The following ADARB2 variants were observed in gnomAD, a reference collection of about 807,000 sequenced individuals.
ADARB2 encodes inactive double-stranded RNA-specific editase B2.
In ADARB2, 25 loss-of-function variants were observed where a neutral mutation model predicts 62.2. That is an observed-to-expected ratio of 0.40 (90% CI 0.29 to 0.56). The LOEUF is 0.56. Ranked by LOEUF, ADARB2 falls within the 20% of genes least tolerant of loss-of-function variation. The probability of loss-of-function intolerance (pLI) is 0.43; values close to 1 mark genes in which losing one functional copy is unlikely to be tolerated. For synonymous variants in ADARB2, 572 were observed against 500.8 expected, an observed-to-expected ratio of 1.14 and a Z score of -1.90; for missense variants, 1,071 against 1,077.4, an observed-to-expected ratio of 0.99 and a Z score of 0.08.
chr10:1,327,552 CT>C, intron 3 of ADARB2, among the ~76,000 whole-genome samples: 1 of 88,962 alleles, frequency 1.1e-5, no homozygotes, highest in South Asian at 3.4e-4. Flanking sequence ...CCAGCGCCTC[CT>C]CACGGCCCAG....
At chr10:1,433,783 G>T (rs2131891108) in intron 1 of ADARB2, among the ~76,000 whole-genome samples, 1 of 152,298 alleles carries the variant, frequency 6.6e-6, no homozygotes, top group African/African-American at 2.4e-5. Flanking sequence ...TCAGTAGCAA[G>T]AAGTTCCATT....
At chr10:1,317,100 G>A (rs759763720) in intron 3 of ADARB2, among the ~76,000 whole-genome samples, 13 of 152,206 alleles carry the variant, frequency 8.5e-5, no homozygotes, top group African/African-American at 2.7e-4. Flanking sequence ...AGGCTGTGGC[G>A]TAGGCCCCTC....
chr10:1,691,041 CA>C (rs1333152031), intron 1 of ADARB2, among the ~76,000 whole-genome samples: 3 of 152,180 alleles, frequency 2.0e-5, no homozygotes. Context: ...GGTGTCCCCC[CA>C]AATTCCCATG....
intron 1 of ADARB2, among the ~76,000 whole-genome samples, chr10:1,448,054 C>A (rs1178262365): frequency 1.3e-5 from 2 of 152,106 alleles, no homozygotes; most frequent in Non-Finnish European, 2.9e-5. Flanking sequence ...GTGCATGTGT[C>A]TTTATGGTAT....
Position 1,213,347 on chromosome 10 carries a change from AGAG to A in ADARB2, c.1682+3601_1682+3603del, listed in dbSNP as rs554187304. 7.9e-4 allele frequency among the ~76,000 whole-genome samples: 121 copies of A among 152,232 alleles called. 3 individuals carry two copies. Among genetic ancestry groups the A allele is most frequent in the Admixed American group, 7.6e-3 (116 of 15,298 alleles). On this transcript the variant is annotated intron_variant, in intron 7 of 9. Coordinates refer to ENST00000381312, the MANE Select transcript of ADARB2 (RefSeq NM_018702.4). The stretch of plus-strand genomic sequence containing the variant: ...CAGAGACAGAGAGAGGCCGAGAGCG[AGAG>A]GAGGAGGGAGAAGAGATGATGGGGA...
intron 1 of ADARB2, among the ~76,000 whole-genome samples, chr10:1,392,043 G>A (rs1832575448): frequency 6.6e-6 from 1 of 152,138 alleles, no homozygotes; most frequent in Non-Finnish European, 1.5e-5. Context: ...TGGGATTACA[G>A]GTGTGAGCCC....
rs1834857389 is a variant in ADARB2 at position 1,704,071 on chromosome 10, A to T, written c.100+32980T>A. ...CTTAAAAGAACAAACACTATATCTA[A>T]CTTCCTGTGGGTCAGGAATCCAGGA... is the stretch of plus-strand genomic sequence containing the variant. On this transcript the variant is annotated intron_variant, in intron 1 of 9. Transcript: ENST00000381312. This position sits in a 1 kb window ranked among gnomAD's most constrained non-coding sequence, Gnocchi z 5.6. Among the ~76,000 whole-genome samples, 1 of 152,172 alleles carries T rather than the reference A, an allele frequency of 6.6e-6. No homozygotes were observed. Among genetic ancestry groups the T allele is most frequent in the African/African-American group, 2.4e-5 (1 of 41,420 alleles).
chr10:1,603,785 T>C (rs1833461213), intron 1 of ADARB2, among the ~76,000 whole-genome samples: 1 of 151,794 alleles, frequency 6.6e-6, no homozygotes, highest in South Asian at 2.1e-4. Flanking sequence ...GTAGTATTAA[T>C]ATACAGTCAT....
At position 1,695,412 on chromosome 10, in the gene ADARB2, C is replaced by T. The variant is rs150691506; in HGVS notation, c.100+41639G>A. On this transcript the variant is annotated intron_variant, in intron 1 of 9. Coordinates refer to ENST00000381312, the MANE Select transcript of ADARB2 (RefSeq NM_018702.4). The stretch of plus-strand genomic sequence containing the variant: ...GCTCACATCAGATGCTCAGTAGTGA[C>T]GGTTTTCTTCCTTTTACCTCAAGCT... Among the ~76,000 whole-genome samples, 335 of 152,266 alleles carry T rather than the reference C, an allele frequency of 2.2e-3. 3 individuals carry two copies. The highest frequency in any genetic ancestry group is 7.5e-3 in the African/African-American group (313 of 41,540).
intron 3 of ADARB2, among the ~76,000 whole-genome samples, chr10:1,310,759 G>A (rs2131822620): frequency 6.6e-6 from 1 of 152,310 alleles, no homozygotes; most frequent in South Asian, 2.1e-4. Flanking sequence ...TCAATCTCCT[G>A]TCCCGTTTCA....
intron 1 of ADARB2, among the ~76,000 whole-genome samples, chr10:1,492,333 C>A (rs1588276500): frequency 6.6e-6 from 1 of 152,054 alleles, no homozygotes; most frequent in East Asian, 1.9e-4. Flanking sequence ...GATATTGGGT[C>A]CTAGCTCGTT....
chr10:1,731,998 T>A (rs1176792529), intron 1 of ADARB2, among the ~76,000 whole-genome samples: 2 of 152,318 alleles, frequency 1.3e-5, no homozygotes, highest in East Asian at 3.9e-4. Context: ...CTGCAATATC[T>A]GTTTTGATAT....
intron 1 of ADARB2, among the ~76,000 whole-genome samples, chr10:1,692,307 G>C (rs980577044): frequency 3.3e-5 from 5 of 152,194 alleles, no homozygotes; most frequent in African/African-American, 9.7e-5. Flanking sequence ...CCTTGTATTT[G>C]TTTAAATGCC....
rs919751926 is a variant in ADARB2, at chr10:1,177,393, T to G, written c.*5800A>C. Reference sequence around the variant, plus strand: ...TCACTGAAGTGCAATTTATAGAACTTAGAGGCAAATTAACATGTAAATTCA... The same window carrying G: ...TCACTGAAGTGCAATTTATAGAACTGAGAGGCAAATTAACATGTAAATTCA... On this transcript the variant is annotated 3_prime_UTR_variant, in exon 10 of 10. Coordinates refer to ENST00000381312, the MANE Select transcript of ADARB2 (RefSeq NM_018702.4). 7.0e-6 allele frequency: 1 copy of G among 143,534 alleles called. No homozygotes were observed. The highest frequency in any genetic ancestry group is 1.5e-5 in the Non-Finnish European group (1 of 66,054). The allele number at this position is 143,534 out of a possible 1,614,324, so 8.9% of individuals were successfully genotyped here.
intron 1 of ADARB2, among the ~76,000 whole-genome samples, chr10:1,534,092 C>T (rs181247973): frequency 2.0e-5 from 3 of 149,122 alleles, no homozygotes; most frequent in African/African-American, 7.4e-5. Flanking sequence ...GAGACAAACA[C>T]TAGGGTTAAG....
At chr10:1,334,451 G>A (rs1480530630) in intron 3 of ADARB2, among the ~76,000 whole-genome samples, 1 of 152,118 alleles carries the variant, frequency 6.6e-6, no homozygotes, top group African/African-American at 2.4e-5. Context: ...CTCCACACGT[G>A]GGTGCACACA....
At chr10:1,672,680 G>GCGCTTCCCCCTCCTCCGTC (rs1564364076) in intron 1 of ADARB2, among the ~76,000 whole-genome samples, 9 of 143,130 alleles carry the variant, frequency 6.3e-5, no homozygotes, top group South Asian at 2.2e-4. Flanking sequence ...CTCCACGCAC[G>GCGCTTCCCCCTCCTCCGTC]CACTTCCCTT....
chr10:1,710,385 T>C (rs35780237), intron 1 of ADARB2, among the ~76,000 whole-genome samples: 51,459 of 152,070 alleles, frequency 0.34, 9,241 homozygotes, highest in Middle Eastern at 0.48. Flanking sequence ...AAAAAGTTAC[T>C]ATTTAGGAGA....
At chr10:1,268,536 A>C (rs1424255328) in intron 4 of ADARB2, among the ~76,000 whole-genome samples, 1 of 152,238 alleles carries the variant, frequency 6.6e-6, no homozygotes, top group African/African-American at 2.4e-5. Flanking sequence ...ATTTTAAAAC[A>C]TTGTGACATA....
Sources: allele counts gnomAD v4.1 joint callset (sites outside exome capture counted in the v4.1 genomes callset), GRCh38; gene constraint gnomAD v4.1.1; non-coding constraint Gnocchi (gnomAD v3.1); transcripts MANE v1.5; gene names NCBI Gene and HGNC (gene_info 2026-07-23, HGNC 2026-07-21).